The following NELFA variants were observed in gnomAD, a reference collection of about 807,000 sequenced individuals.
NELFA encodes the protein negative elongation factor complex member A.
In NELFA, 35 loss-of-function variants were observed where a neutral mutation model predicts 51.8. That is an observed-to-expected ratio of 0.68 (90% CI 0.52 to 0.90). The LOEUF (loss-of-function observed/expected upper bound fraction) is 0.90. Ranked by LOEUF, NELFA falls within the 40% of genes least tolerant of loss-of-function variation. The pLI, the probability that NELFA is intolerant of heterozygous loss-of-function variation, is 0.00. For missense variants in NELFA, 658 were observed against 746.4 expected (o/e 0.88, Z 1.38); for synonymous variants, 417 against 338.4 (o/e 1.23, Z -2.55).
intron 4 of NELFA, 48 bp downstream of exon 4, chr4:1,987,870 A>T: frequency 1.3e-6 from 2 of 1,503,690 alleles, no homozygotes; most frequent in South Asian, 2.4e-5. Flanking sequence ...TGAAGCCCTT[A>T]GCTCTGCCCC....
At chr4:2,005,688 G>A (rs182053957) in intron 1 of NELFA, among the ~76,000 whole-genome samples, 3 of 152,012 alleles carry the variant, frequency 2.0e-5, no homozygotes, top group East Asian at 3.9e-4. Context: ...TGAGATCTCC[G>A]TCTAAAAAAC....
chr4:1,984,119 A>G lies in NELFA; in HGVS notation c.1037-6T>C. 2 of 1,549,590 alleles carry G rather than the reference A, an allele frequency of 1.3e-6. No homozygotes were observed. Among genetic ancestry groups the G allele is most frequent in the Non-Finnish European group, 1.7e-6 (2 of 1,155,340 alleles). On this transcript the variant is annotated splice_polypyrimidine_tract_variant and splice_region_variant and intron_variant, in intron 8 of 10. Coordinates refer to ENST00000382882, the MANE Select transcript of NELFA (RefSeq NM_005663.5). ...GGCTTCCCGGGAAGATGGGGCTGCA[A>G]GTAGACCGGGGCCTGGTGAGGGGGC...
At chr4:1,991,408 T>C (rs758177614) in intron 2 of NELFA, 136 bp downstream of exon 2, 3 of 883,868 alleles carry the variant, frequency 3.4e-6, no homozygotes, top group Admixed American at 4.8e-5. Flanking sequence ...GGATGGTGCA[T>C]ATACAGTTAA....
rs371629542 is a variant in NELFA at position 1,983,731 on chromosome 4, C to T, written c.1303-36G>A. 1.6e-4 allele frequency: 264 copies of T among 1,610,206 alleles called. No individual in the cohort carries two copies. The Middle Eastern group carries it at 1.8e-3, about 11-fold the overall frequency. ...GAGAGGGGTGTGGGTGCCAGGGCCC[C>T]GCCAGGACCACCTCCTGCATCCCCC... On this transcript the variant is annotated intron_variant, in intron 9 of 10. Coordinates refer to ENST00000382882, the MANE Select transcript of NELFA (RefSeq NM_005663.5).
chr4:1,997,827 G>C (rs1355293192), intron 1 of NELFA, among the ~76,000 whole-genome samples: 1 of 152,136 alleles, frequency 6.6e-6, no homozygotes, highest in Non-Finnish European at 1.5e-5. Context: ...ACCCAACTAG[G>C]TGAGACCCTC....
intron 1 of NELFA, among the ~76,000 whole-genome samples, chr4:1,994,073 C>G (rs1409346923): frequency 1.3e-5 from 2 of 152,130 alleles, no homozygotes; most frequent in Non-Finnish European, 2.9e-5. Context: ...CTTCCTCTTC[C>G]CTGGTATAAA....
chr4:2,006,768 C>CAAAAAAA (rs57055347), intron 1 of NELFA, among the ~76,000 whole-genome samples: 4 of 79,756 alleles, frequency 5.0e-5, no homozygotes, highest in African/African-American at 2.0e-4. Context: ...GACGCTGTCT[C>CAAAAAAA]AAAAAAAAAA....
At position 1,983,279 on chromosome 4, in the gene NELFA, G is replaced by A; in HGVS notation, c.*40C>T. On this transcript the variant is annotated 3_prime_UTR_variant, in exon 11 of 11. Coordinates refer to ENST00000382882, the MANE Select transcript of NELFA (RefSeq NM_005663.5). ...TAAGCTGGCAAAGCCATCGTCCCGT[G>A]GACCCCCACAAGTGACGGCCAGCTG... 6.3e-7 allele frequency: 1 copy of A among 1,582,000 alleles called. No homozygotes were observed. Among genetic ancestry groups the A allele is most frequent in the East Asian group, 2.3e-5 (1 of 44,254 alleles).
In NELFA at chr4:2,000,331, C is replaced by G. The variant is rs564956777; in HGVS notation, c.210+8419G>C. On this transcript the variant is annotated intron_variant, in intron 1 of 10. Coordinates refer to ENST00000382882, the MANE Select transcript of NELFA (RefSeq NM_005663.5). ...TAGAGACACGAAAAACCCTCCCCCCCAAAAAATATCAACAAATCCAGGAGC... is the reference window on the plus strand; with the variant it reads ...TAGAGACACGAAAAACCCTCCCCCCGAAAAAATATCAACAAATCCAGGAGC... Among the ~76,000 whole-genome samples, 209 of 151,940 alleles carry G rather than the reference C, an allele frequency of 1.4e-3. 1 individual carries two copies. The highest frequency in any genetic ancestry group is 4.7e-3 in the African/African-American group (195 of 41,446).
intron 2 of NELFA, chr4:1,990,447 G>A (rs966650703): frequency 9.2e-5 from 42 of 456,624 alleles, no homozygotes; most frequent in Non-Finnish European, 1.7e-4. Flanking sequence ...AGGCACATGA[G>A]AGTTCACCGG....
In NELFA at chr4:1,984,003, G is replaced by C. The variant is rs370859705; in HGVS notation, c.1147C>G (p.Pro383Ala). 1.9e-6 allele frequency: 3 copies of C among 1,609,122 alleles called. No individual in the cohort carries two copies. The highest frequency in any genetic ancestry group is 2.7e-5 in the African/African-American group (2 of 74,932). The change falls in exon 9 of 11, where the codon CCT becomes GCT. Residue 383 changes from proline (P) to alanine (A), a missense_variant. Coordinates refer to ENST00000382882, the MANE Select transcript of NELFA (RefSeq NM_005663.5). ...GGCGCCGCAGGCGTGGGTGTGGCAGGGCTCAGGCCGCTGTTGTACATGGGC... is the reference window on the plus strand; with the variant it reads ...GGCGCCGCAGGCGTGGGTGTGGCAGCGCTCAGGCCGCTGTTGTACATGGGC... ...RAPMYNSGLS[P>A]ATPTPAAPTS...
chr4:1,999,681 CAAT>C (rs960145274), intron 1 of NELFA, among the ~76,000 whole-genome samples: 8 of 152,150 alleles, frequency 5.3e-5, no homozygotes, highest in Admixed American at 5.2e-4. Context: ...GACTCCCACA[CAAT>C]AATAGGGGGA....
intron 1 of NELFA, among the ~76,000 whole-genome samples, chr4:1,999,031 T>A (rs1231623700): frequency 1.3e-5 from 2 of 152,086 alleles, no homozygotes; most frequent in East Asian, 1.9e-4. Flanking sequence ...AACCCAGAAT[T>A]TAATATCCAG....
chr4:1,987,665 C>T lies in NELFA; in HGVS notation c.634+253G>A, dbSNP rs1043726891. 64 of 501,498 alleles carry T rather than the reference C, an allele frequency of 1.3e-4. No homozygotes were observed. In the Middle Eastern group the frequency reaches 2.0e-3, roughly 16 times the overall value. The allele number at this position is 501,498 out of a possible 1,614,324, so 31.1% of individuals were successfully genotyped here. On this transcript the variant is annotated intron_variant, in intron 4 of 10. Transcript: ENST00000382882. ...AGCGGTGTCCTCAGATCCCGGCCTT[C>T]CTGTCTCCGTGCCCAGCACTGTCCT...
intron 1 of NELFA, among the ~76,000 whole-genome samples, chr4:1,997,648 T>C (rs1259767394): frequency 6.6e-6 from 1 of 152,228 alleles, no homozygotes; most frequent in Non-Finnish European, 1.5e-5. Context: ...AAAATCACTA[T>C]GGAGAAAGTA....
chr4:1,982,977 A>AT lies in NELFA; in HGVS notation c.*341dup, dbSNP rs375326793. ...GAGGGCACTGCCCCAGCGAGGGAAAATAGAAAAGATTTTAAAAAGTAAGAG... is the reference window on the plus strand; with the variant it reads ...GAGGGCACTGCCCCAGCGAGGGAAAATTAGAAAAGATTTTAAAAAGTAAGAG... On this transcript the variant is annotated 3_prime_UTR_variant, in exon 11 of 11. Coordinates refer to ENST00000382882, the MANE Select transcript of NELFA (RefSeq NM_005663.5). The AT allele has an allele frequency of 2.8e-3, 532 of 187,798 alleles. 3 individuals carry two copies. Among genetic ancestry groups the AT allele is most frequent in the African/African-American group, 0.012 (522 of 42,120 alleles). 11.6% of individuals were successfully genotyped at this position (187,798 alleles called of 1,614,324 possible). A position where few individuals can be genotyped will look rare whatever the true frequency, so the allele number is the denominator to read the frequency against.
At chr4:2,007,044 G>A in intron 1 of NELFA, 3 of 260,844 alleles carry the variant, frequency 1.2e-5, no homozygotes, top group Non-Finnish European at 2.5e-5. Flanking sequence ...GATTGCTTGA[G>A]GTCAGGAGTT....
chr4:1,991,765 G>GC, intron 1 of NELFA, 50 bp from the exon 2 acceptor site: 1 of 1,531,280 alleles, frequency 6.5e-7, no homozygotes, highest in Admixed American at 2.1e-5. Flanking sequence ...CCACTTCCAA[G>GC]CCCACTCCCT....
At chr4:1,995,032 G>A (rs1449875495) in intron 1 of NELFA, among the ~76,000 whole-genome samples, 1 of 152,222 alleles carries the variant, frequency 6.6e-6, no homozygotes, top group African/African-American at 2.4e-5. Flanking sequence ...GTGTGTCTGT[G>A]AGGATGTTTC....
Sources: allele counts gnomAD v4.1 joint callset (sites outside exome capture counted in the v4.1 genomes callset), GRCh38; gene constraint gnomAD v4.1.1; transcripts MANE v1.5; gene names NCBI Gene and HGNC (gene_info 2026-07-23, HGNC 2026-07-21).